Variants in COL14A1 observed in about 807,000 individuals in gnomAD.
COL14A1 encodes the protein collagen type XIV alpha 1 chain, also known as collagen alpha-1(XIV) chain.
COL14A1 carries 136 observed loss-of-function variants against 230.3 expected under a neutral mutation model. The observed-to-expected ratio is 0.59, with a 90% CI of 0.51 to 0.68. COL14A1 has a LOEUF of 0.68. COL14A1 is among the 30% of genes least tolerant of loss of function. COL14A1 has a pLI of 0.00. For missense variants in COL14A1, 1,976 were observed against 2,215.8 expected, an observed-to-expected ratio of 0.89 and a Z score of 2.17; for synonymous variants, 792 against 784.1, an observed-to-expected ratio of 1.01 and a Z score of -0.17.
intron 35 of COL14A1, among the ~76,000 whole-genome samples, chr8:120,298,375 G>T (rs1180506998): frequency 6.6e-6 from 1 of 151,222 alleles, no homozygotes; most frequent in Non-Finnish European, 1.5e-5. Context: ...TACAATTTTA[G>T]AACTGTAGTC....
chr8:120,224,796 A>G (rs1005801108), intron 14 of COL14A1, among the ~76,000 whole-genome samples: 35 of 152,218 alleles, frequency 2.3e-4, no homozygotes, highest in Admixed American at 1.9e-3. Flanking sequence ...CTACTAGCAG[A>G]TCTAACTGGA....
intron 47 of COL14A1, chr8:120,370,795 C>T: frequency 7.3e-7 from 1 of 1,376,016 alleles, no homozygotes; most frequent in Non-Finnish European, 9.6e-7. Context: ...CTGATCACCT[C>T]CCCTCCCTGC....
At chr8:120,248,754 T>G (rs539302904) in intron 21 of COL14A1, among the ~76,000 whole-genome samples, 1 of 151,466 alleles carries the variant, frequency 6.6e-6, no homozygotes, top group African/African-American at 2.4e-5. Context: ...ACCTGGGAGG[T>G]TGAGGTGGGA....
chr8:120,281,895 G>A (rs2129909395), intron 31 of COL14A1, among the ~76,000 whole-genome samples: 1 of 152,282 alleles, frequency 6.6e-6, no homozygotes. Flanking sequence ...TTGAAGAGTA[G>A]TAATCAGGTT....
chr8:120,275,074 C>A (rs1330532524), intron 26 of COL14A1, among the ~76,000 whole-genome samples: 5 of 151,842 alleles, frequency 3.3e-5, no homozygotes, highest in Non-Finnish European at 7.4e-5. Flanking sequence ...GGAGGCATCA[C>A]ATTACCTGAC....
chr8:120,279,728 G>C (rs1819979472), intron 28 of COL14A1, among the ~76,000 whole-genome samples: 1 of 152,072 alleles, frequency 6.6e-6, no homozygotes, highest in Non-Finnish European at 1.5e-5. Flanking sequence ...CTTTAAAATG[G>C]AAAATCTCTT....
Position 120,242,459 on chromosome 8 carries a change from TGGG to T in COL14A1, c.2350-1419_2350-1417del, listed in dbSNP as rs1818633612. Among the ~76,000 whole-genome samples, 3 of 152,310 alleles carry T rather than the reference TGGG, an allele frequency of 2.0e-5. No individual in the cohort carries two copies. The East Asian group carries it at 5.8e-4, about 29-fold the overall frequency. On this transcript the variant is annotated intron_variant, in intron 19 of 47. Coordinates refer to ENST00000297848, the MANE Select transcript of COL14A1 (RefSeq NM_021110.4). Reference sequence around the variant, plus strand: ...AAGAAGACATTATTTAACATCAACATGGGTGGTTTGTTAGATGGACAAATTGAA... The same window carrying T: ...AAGAAGACATTATTTAACATCAACATTGGTTTGTTAGATGGACAAATTGAA...
chr8:120,221,495 A>G (rs929493396), intron 14 of COL14A1, among the ~76,000 whole-genome samples: 5 of 152,154 alleles, frequency 3.3e-5, no homozygotes, highest in African/African-American at 1.2e-4. Flanking sequence ...TATGTAAAAT[A>G]TAGTCTATTC....
At chr8:120,298,597 T>TTATATATATATATATA (rs59846403) in intron 35 of COL14A1, among the ~76,000 whole-genome samples, 18 of 57,980 alleles carry the variant, frequency 3.1e-4, no homozygotes, top group East Asian at 1.1e-3. Flanking sequence ...CCCATATATT[T>TTATATATATATATATA]TATATATATA....
At chr8:120,174,112 A>G (rs78458448) in intron 5 of COL14A1, among the ~76,000 whole-genome samples, 1 of 152,198 alleles carries the variant, frequency 6.6e-6, no homozygotes, top group East Asian at 1.9e-4. Context: ...CACATCTGCT[A>G]TTCCTTCCAT....
chr8:120,129,089 C>T (rs942645537), intron 1 of COL14A1, among the ~76,000 whole-genome samples: 3 of 152,180 alleles, frequency 2.0e-5, no homozygotes, highest in African/African-American at 7.2e-5. Context: ...CTTCCCAGCC[C>T]TGTCTCCTGC....
intron 45 of COL14A1, among the ~76,000 whole-genome samples, chr8:120,364,927 AG>A (rs1823356538): frequency 6.6e-6 from 1 of 151,868 alleles, no homozygotes; most frequent in South Asian, 2.1e-4. Context: ...AAAGAATAAA[AG>A]CTAAAATTCC....
chr8:120,324,908 G>A (rs1320913523), intron 40 of COL14A1, among the ~76,000 whole-genome samples: 1 of 151,732 alleles, frequency 6.6e-6, no homozygotes, highest in Non-Finnish European at 1.5e-5. Context: ...AGAGACCATA[G>A]GCACAGCACC....
At chr8:120,235,247 G>C (rs1382736270) in intron 19 of COL14A1, among the ~76,000 whole-genome samples, 1 of 152,054 alleles carries the variant, frequency 6.6e-6, no homozygotes, top group African/African-American at 2.4e-5. Context: ...TTGGTTCACT[G>C]CAACCTCCTC....
At chr8:120,143,471 A>T (rs957803216) in intron 1 of COL14A1, among the ~76,000 whole-genome samples, 1 of 152,116 alleles carries the variant, frequency 6.6e-6, no homozygotes, top group African/African-American at 2.4e-5. Flanking sequence ...AATATAATAC[A>T]AAACAAAAAA....
intron 5 of COL14A1, among the ~76,000 whole-genome samples, chr8:120,176,779 G>A (rs529104748): frequency 6.6e-6 from 1 of 152,236 alleles, no homozygotes; most frequent in African/African-American, 2.4e-5. Context: ...GGGTTTGAAG[G>A]ATACCTGGAT....
chr8:120,276,633 A>G (rs1819859701), intron 26 of COL14A1, among the ~76,000 whole-genome samples: 1 of 151,734 alleles, frequency 6.6e-6, no homozygotes, highest in Non-Finnish European at 1.5e-5. Context: ...GCTGGTTTCC[A>G]GTTTCATCCA....
chr8:120,309,673 A>G (rs1214060151), intron 36 of COL14A1, among the ~76,000 whole-genome samples: 2 of 152,176 alleles, frequency 1.3e-5, no homozygotes, highest in African/African-American at 2.4e-5. Flanking sequence ...TTATATATGT[A>G]TGTTTTATAA....
At chr8:120,177,427 T>C (rs974011468) in intron 5 of COL14A1, among the ~76,000 whole-genome samples, 1 of 151,942 alleles carries the variant, frequency 6.6e-6, no homozygotes, top group African/African-American at 2.4e-5. Context: ...GGAGGGTGGA[T>C]CACTTGAGGC....
Sources: allele counts gnomAD v4.1 joint callset (sites outside exome capture counted in the v4.1 genomes callset), GRCh38; gene constraint gnomAD v4.1.1; transcripts MANE v1.5; gene names NCBI Gene and HGNC (gene_info 2026-07-23, HGNC 2026-07-21).